Variants in DZIP1 observed in about 807,000 individuals in gnomAD.
The protein encoded by DZIP1 is cilium assembly protein DZIP1.
DZIP1 carries 97 observed loss-of-function variants against 107.6 expected under a neutral mutation model. The ratio of observed to expected loss-of-function variants is 0.90; its 90% CI spans 0.77 to 1.07. The LOEUF (loss-of-function observed/expected upper bound fraction) is 1.07. Ranked by LOEUF, DZIP1 falls within the 50% of genes least tolerant of loss-of-function variation. The pLI, the probability that DZIP1 is intolerant of heterozygous loss-of-function variation, is 0.00. For synonymous variants in DZIP1, 390 were observed against 386.4 expected, an observed-to-expected ratio of 1.01 and a Z score of -0.11; for missense variants, 1,035 against 1,063.6, an observed-to-expected ratio of 0.97 and a Z score of 0.37.
At chr13:95,617,699 C>T (rs1250116267) in intron 10 of DZIP1, among the ~76,000 whole-genome samples, 4 of 45,268 alleles carry the variant, frequency 8.8e-5, no homozygotes, top group African/African-American at 3.4e-4. Context: ...GGGGGTGGGG[C>T]GGGGGGGTCA....
Position 95,642,231 on chromosome 13 carries a change from C to T in DZIP1, c.-202G>A. 1 of 597,674 alleles carries T rather than the reference C, an allele frequency of 1.7e-6. No homozygotes were observed. The highest frequency in any genetic ancestry group is 2.7e-6 in the Non-Finnish European group (1 of 365,536). The allele number at this position is 597,674 out of a possible 1,614,324, so 37.0% of individuals were successfully genotyped here. A position where few individuals can be genotyped will look rare whatever the true frequency, so the allele number is the denominator to read the frequency against. ...CGTCTGCCCGCGCAGGGTCAGCGTG[C>T]ACCCAGAACCCTGCGGGACCAGAGA... On this transcript the variant is annotated 5_prime_UTR_variant, in exon 4 of 23. Transcript: ENST00000376829.
intron 20 of DZIP1, 138 bp downstream of exon 20, chr13:95,587,401 T>G (rs2044188987): frequency 8.7e-7 from 1 of 1,152,110 alleles, no homozygotes; most frequent in African/African-American, 1.5e-5. Flanking sequence ...CTGCCCATTT[T>G]CCGTGGGTGC....
At chr13:95,586,179 T>A in intron 20 of DZIP1, 43 bp from the exon 21 acceptor site, 1 of 1,521,394 alleles carries the variant, frequency 6.6e-7, no homozygotes, top group Non-Finnish European at 8.8e-7. Context: ...TATTTAAAAA[T>A]TTAATCTATC....
At chr13:95,619,784 C>T (rs1437224292) in intron 10 of DZIP1, 101 bp downstream of exon 10, 1 of 1,195,444 alleles carries the variant, frequency 8.4e-7, no homozygotes, top group East Asian at 2.4e-5. Context: ...ACATTTCTCC[C>T]CAAATGTTAT....
At position 95,641,912 on chromosome 13, in the gene DZIP1, G is replaced by T; in HGVS notation, c.37-57C>A. 1.4e-6 allele frequency: 2 copies of T among 1,459,990 alleles called. No individual in the cohort carries two copies. Among genetic ancestry groups the T allele is most frequent in the Non-Finnish European group, 9.0e-7 (1 of 1,113,124 alleles). The allele number at this position is 1,459,990 out of a possible 1,614,324, so 90.4% of individuals were successfully genotyped here. The stretch of plus-strand genomic sequence containing the variant: ...GGCGGGGATGGGGGGCGGGCAGGCT[G>T]GGGAGCTGGGGGTCCGGGGAAGCCC... On this transcript the variant is annotated intron_variant, in intron 4 of 22. Transcript: ENST00000376829. This position sits in a 1 kb window ranked among gnomAD's most constrained non-coding sequence, Gnocchi z 4.3.
chr13:95,591,940 T>C (rs2044321880), intron 16 of DZIP1, among the ~76,000 whole-genome samples: 3 of 152,064 alleles, frequency 2.0e-5, no homozygotes, highest in Admixed American at 6.5e-5. Context: ...ATAAAAGATA[T>C]TAAAACACAG....
intron 12 of DZIP1, among the ~76,000 whole-genome samples, chr13:95,610,109 T>A (rs61975168): frequency 0.53 from 66,806 of 125,104 alleles, 17,714 homozygotes; most frequent in African/African-American, 0.67. Context: ...TGTGTGTGTG[T>A]GTGAGAGAGA....
chr13:95,622,237 G>A, intron 9 of DZIP1, 106 bp downstream of exon 9: 1 of 1,425,440 alleles, frequency 7.0e-7, no homozygotes, highest in African/African-American at 1.4e-5. Flanking sequence ...CACCTTCAGG[G>A]TTACTAAAAA....
chr13:95,585,611 A>G (rs2044140104), intron 21 of DZIP1, among the ~76,000 whole-genome samples: 1 of 152,126 alleles, frequency 6.6e-6, no homozygotes, highest in Non-Finnish European at 1.5e-5. Context: ...CTTGGCCTCC[A>G]CCCTCACTTC....
Position 95,641,460 on chromosome 13 carries a change from G to A in DZIP1, c.432C>T (p.Thr144=), listed in dbSNP as rs371693952. The change falls in exon 5 of 23, where the codon ACC becomes ACT. Residue 144 remains threonine, a synonymous_variant. Coordinates refer to ENST00000376829, the MANE Select transcript of DZIP1 (RefSeq NM_198968.4). This position sits in a 1 kb window ranked among gnomAD's most constrained non-coding sequence, Gnocchi z 4.3. ...GGCTCAGGCGCAGCCGCTCCTCCAG[G>A]GTGTGCAGCTGCGAGGTGAGGAACT... ...SQEFLTSQLH[T]LEERLRLSHC... The A allele has an allele frequency of 3.8e-5, 61 of 1,614,004 alleles. No homozygotes were observed. The Middle Eastern group carries it at 1.5e-3, about 39-fold the overall frequency.
chr13:95,641,482 A>T lies in DZIP1; in HGVS notation c.410T>A (p.Phe137Tyr), dbSNP rs1337531598. The stretch of plus-strand genomic sequence containing the variant: ...CAGGGTGTGCAGCTGCGAGGTGAGG[A>T]ACTCTTGTGAGTGCAGCAAGTACTC... The part of the protein sequence containing the change: ...TIEYLLHSQE[F>Y]LTSQLHTLEE... The change falls in exon 5 of 23, where the codon TTC (phenylalanine) becomes TAC (tyrosine). Residue 137 changes from phenylalanine to tyrosine, a missense_variant. Physicochemically the swap from Phe to Tyr is conservative, Grantham distance 22. Coordinates refer to ENST00000376829, the MANE Select transcript of DZIP1 (RefSeq NM_198968.4). The surrounding 1 kb of genome is among the most constrained non-coding windows in gnomAD (Gnocchi z 4.3). The T allele has an allele frequency of 6.2e-7, 1 of 1,614,086 alleles. No homozygotes were observed. Among genetic ancestry groups the T allele is most frequent in the Admixed American group, 1.7e-5 (1 of 60,022 alleles).
chr13:95,602,831 A>G (rs554070518), intron 14 of DZIP1, among the ~76,000 whole-genome samples: 1 of 152,110 alleles, frequency 6.6e-6, no homozygotes, highest in Non-Finnish European at 1.5e-5. Context: ...CTTCTGCAAC[A>G]CTATTTGGGC....
At chr13:95,632,336 C>T (rs1256321210) in intron 6 of DZIP1, among the ~76,000 whole-genome samples, 1 of 152,128 alleles carries the variant, frequency 6.6e-6, no homozygotes, top group Non-Finnish European at 1.5e-5. Flanking sequence ...TTGAAATTGC[C>T]TCCCGACCCT....
Position 95,633,233 on chromosome 13 carries a change from C to T in DZIP1, c.685+1G>A, listed in dbSNP as rs1172444508. 2 of 1,613,806 alleles carry T rather than the reference C, an allele frequency of 1.2e-6. No homozygotes were observed. Among genetic ancestry groups the T allele is most frequent in the Non-Finnish European group, 8.5e-7 (1 of 1,179,736 alleles). On this transcript the variant is annotated splice_donor_variant, in intron 6 of 22. Coordinates refer to ENST00000376829, the MANE Select transcript of DZIP1 (RefSeq NM_198968.4). LOFTEE classifies it high-confidence loss of function. ...GCTTTCAAACAGAACTCATTACTCA[C>T]CAAAATGAGAATTTTCTTCAGTGTG...
At chr13:95,596,910 T>G (rs371936561) in intron 15 of DZIP1, among the ~76,000 whole-genome samples, 2 of 152,242 alleles carry the variant, frequency 1.3e-5, no homozygotes, top group African/African-American at 4.8e-5. Flanking sequence ...GCTGCCAGTA[T>G]GTTAACTCCA....
In DZIP1 at chr13:95,642,148, C is replaced by CT. The variant is rs988309636; in HGVS notation, c.-120dup. The CT allele has an allele frequency of 7.5e-6, 10 of 1,341,192 alleles. No individual in the cohort carries two copies. The highest frequency in any genetic ancestry group is 9.7e-6 in the Non-Finnish European group (10 of 1,026,430). 83.1% of individuals were successfully genotyped at this position (1,341,192 alleles called of 1,614,324 possible). ...TTCCGCGGCGGCGGCGGCCTAAGGTCTGGGCGTCCAGGACGTTGCTATAGC... is the reference window on the plus strand; with the variant it reads ...TTCCGCGGCGGCGGCGGCCTAAGGTCTTGGGCGTCCAGGACGTTGCTATAGC... On this transcript the variant is annotated 5_prime_UTR_variant, in exon 4 of 23. Transcript: ENST00000376829.
chr13:95,624,825 C>T lies in DZIP1; in HGVS notation c.915G>A (p.Lys305=). The change falls in exon 8 of 23, where the codon AAG becomes AAA. Residue 305 remains lysine, a synonymous_variant. Transcript: ENST00000376829. ...CTTTAAATTCCTTCATAAACATCTC[C>T]TTGACTTTTTCCATTTCATCAACTA... ...EKLVDEMEKV[K]EMFMKEFKEL... The T allele has an allele frequency of 6.2e-7, 1 of 1,611,290 alleles. No individual in the cohort carries two copies. The highest frequency in any genetic ancestry group is 8.5e-7 in the Non-Finnish European group (1 of 1,178,120).
At chr13:95,625,196 T>G (rs1035405435) in intron 7 of DZIP1, among the ~76,000 whole-genome samples, 3 of 152,222 alleles carry the variant, frequency 2.0e-5, no homozygotes, top group African/African-American at 7.2e-5. Flanking sequence ...TTCTATGAAC[T>G]TGTATAAAAG....
At chr13:95,617,681 G>A (rs928911359) in intron 10 of DZIP1, among the ~76,000 whole-genome samples, 4 of 121,264 alleles carry the variant, frequency 3.3e-5, no homozygotes, top group South Asian at 3.0e-4. Context: ...AGGAGGTTCC[G>A]AAAGGCAGGG....
Sources: gnomAD v4.1 joint callset for allele counts (sites outside exome capture counted in the v4.1 genomes callset) on GRCh38, gnomAD v4.1.1 for gene constraint, Gnocchi (gnomAD v3.1) non-coding constraint, MANE v1.5 for transcripts, NCBI Gene and HGNC (gene_info 2026-07-23, HGNC 2026-07-21) for gene names.